ZBTB7C: variants seen among roughly 807,000 people sequenced by gnomAD.
The protein encoded by ZBTB7C is zinc finger and BTB domain-containing protein 7C.
A neutral mutation model predicts 25.7 loss-of-function variants in ZBTB7C; 8 were observed. The observed-to-expected ratio is 0.31, with a 90% confidence interval of 0.18 to 0.56. The LOEUF (loss-of-function observed/expected upper bound fraction) is 0.56, where lower values mean the gene tolerates loss of function less well. Ranked by LOEUF, ZBTB7C falls within the 20% of genes least tolerant of loss-of-function variation. The pLI is 0.91. For synonymous variants in ZBTB7C, 394 were observed against 369.0 expected (o/e 1.07, Z -0.78); for missense variants, 824 against 855.2 (o/e 0.96, Z 0.46).
upstream of ZBTB7C, among the ~76,000 whole-genome samples, chr18:48,410,911 G>T (rs2048378830): frequency 6.6e-6 from 1 of 152,232 alleles, no homozygotes; most frequent in South Asian, 2.1e-4. Flanking sequence ...GCCCATTCTG[G>T]CTACGGATTA....
chr18:48,265,384 T>C (rs942862324), intron 2 of ZBTB7C, among the ~76,000 whole-genome samples: 2 of 152,228 alleles, frequency 1.3e-5, no homozygotes, highest in Non-Finnish European at 1.5e-5. Flanking sequence ...ATAGTCAATA[T>C]GTTCAGCAAT....
intron 2 of ZBTB7C, among the ~76,000 whole-genome samples, chr18:48,212,387 T>C (rs975539142): frequency 1.3e-5 from 2 of 152,042 alleles, no homozygotes; most frequent in African/African-American, 4.8e-5. Flanking sequence ...CTGCTCTGTA[T>C]GTTACTGTTA....
At chr18:48,402,045 T>C (rs2048170107) in intron 1 of ZBTB7C, among the ~76,000 whole-genome samples, 1 of 152,090 alleles carries the variant, frequency 6.6e-6, no homozygotes, top group Admixed American at 6.6e-5. Context: ...TCATCTCCCA[T>C]AGGAAGAATT....
chr18:48,349,931 T>C (rs55696495), intron 1 of ZBTB7C, among the ~76,000 whole-genome samples: 58,550 of 151,618 alleles, frequency 0.39, 12,168 homozygotes, highest in African/African-American at 0.55. Flanking sequence ...GTAATGGGAA[T>C]GCCACCTGCC....
upstream of ZBTB7C, among the ~76,000 whole-genome samples, chr18:48,409,978 G>A (rs1343403240): frequency 8.4e-6 from 1 of 118,558 alleles, no homozygotes; most frequent in Non-Finnish European, 1.6e-5. Flanking sequence ...CCGACCCGGG[G>A]CAGCGGTGCG....
intron 3 of ZBTB7C, among the ~76,000 whole-genome samples, chr18:48,086,947 A>G (rs1568207147): frequency 1.3e-5 from 2 of 152,228 alleles, no homozygotes; most frequent in East Asian, 3.8e-4. Context: ...ACTTCCTACA[A>G]GGCGCTGTGC....
At chr18:48,085,655 G>A (rs767835804) in intron 3 of ZBTB7C, among the ~76,000 whole-genome samples, 14 of 152,198 alleles carry the variant, frequency 9.2e-5, no homozygotes, top group Non-Finnish European at 2.1e-4. Flanking sequence ...TTCCTGGCTG[G>A]CAGGAAGTAC....
At chr18:48,228,468 G>A (rs2043162126) in intron 2 of ZBTB7C, among the ~76,000 whole-genome samples, 1 of 152,056 alleles carries the variant, frequency 6.6e-6, no homozygotes, top group South Asian at 2.1e-4. Context: ...GCGGATGGGT[G>A]GGGCACATCC....
At chr18:48,343,692 G>T (rs1240559156) in intron 1 of ZBTB7C, among the ~76,000 whole-genome samples, 1 of 152,106 alleles carries the variant, frequency 6.6e-6, no homozygotes, top group Non-Finnish European at 1.5e-5. Context: ...TGGATGTGCT[G>T]CCCACGCCCA....
intron 2 of ZBTB7C, among the ~76,000 whole-genome samples, chr18:48,332,564 C>T (rs1195520478): frequency 6.6e-6 from 1 of 151,324 alleles, no homozygotes; most frequent in African/African-American, 2.4e-5. Context: ...CCAGGATTTG[C>T]TAATTTTCTA....
At chr18:48,381,870 T>C (rs2047640695) in intron 1 of ZBTB7C, among the ~76,000 whole-genome samples, 1 of 152,182 alleles carries the variant, frequency 6.6e-6, no homozygotes, top group African/African-American at 2.4e-5. Flanking sequence ...GATCACACAA[T>C]GGCTTTTAAG....
rs1313098287 is a variant in ZBTB7C, at chr18:48,221,437, T to C, written c.-78-35442A>G. ...CTCTATACTGTCCTTGTCTCCTCTA[T>C]ACTGTCCTAGCTTCCTCTACACTGT... On this transcript the variant is annotated intron_variant, in intron 2 of 4. Transcript: ENST00000590800. Among the ~76,000 whole-genome samples the C allele has an allele frequency of 3.7e-5, 5 of 133,664 alleles. No homozygotes were observed. In the East Asian group the frequency reaches 6.5e-4, roughly 17 times the overall value. The allele number at this position is 133,664 out of a possible 152,430, so 87.7% of individuals were successfully genotyped here. A position where few individuals can be genotyped will look rare whatever the true frequency, so the allele number is the denominator to read the frequency against.
At chr18:48,156,053 C>A (rs1029393415) in intron 3 of ZBTB7C, among the ~76,000 whole-genome samples, 5 of 152,192 alleles carry the variant, frequency 3.3e-5, no homozygotes, top group African/African-American at 1.2e-4. Context: ...AAATGACTAA[C>A]AACATCCTGT....
intron 2 of ZBTB7C, among the ~76,000 whole-genome samples, chr18:48,246,141 T>C (rs1198949350): frequency 6.6e-6 from 1 of 152,160 alleles, no homozygotes; most frequent in African/African-American, 2.4e-5. Context: ...TCATCTTCCA[T>C]AGCAGGAAGT....
intron 1 of ZBTB7C, among the ~76,000 whole-genome samples, chr18:48,344,352 C>A (rs1350603567): frequency 6.6e-6 from 1 of 152,196 alleles, no homozygotes; most frequent in Non-Finnish European, 1.5e-5. Context: ...GATCTTGTCA[C>A]AATGCAGGTG....
chr18:48,188,414 C>T (rs895689321), intron 2 of ZBTB7C, among the ~76,000 whole-genome samples: 4 of 152,186 alleles, frequency 2.6e-5, no homozygotes, highest in African/African-American at 9.7e-5. Context: ...AAACCATTGG[C>T]TCTCGTGAGA....
intron 3 of ZBTB7C, among the ~76,000 whole-genome samples, chr18:48,095,928 G>A (rs971472141): frequency 6.6e-6 from 1 of 152,044 alleles, no homozygotes; most frequent in Non-Finnish European, 1.5e-5. Flanking sequence ...ACCCAGTAAC[G>A]TATGGGAAGC....
chr18:48,389,195 T>TCTCC (rs2047822563), intron 1 of ZBTB7C, among the ~76,000 whole-genome samples: 2 of 66,030 alleles, frequency 3.0e-5, no homozygotes, highest in African/African-American at 1.1e-4. Context: ...TTTAACTCTC[T>TCTCC]CTCTCTCTCT....
chr18:48,116,259 G>A lies in ZBTB7C; in HGVS notation c.-17+69675C>T, dbSNP rs574814479. Reference sequence around the variant, plus strand: ...GTGCATGTCCCAGGCTGCCTCTCCCGCTGGTCTGCAAGCTTCTTGGGGTGG... The same window carrying A: ...GTGCATGTCCCAGGCTGCCTCTCCCACTGGTCTGCAAGCTTCTTGGGGTGG... On this transcript the variant is annotated intron_variant, in intron 3 of 4. Coordinates refer to ENST00000590800, the MANE Select transcript of ZBTB7C (RefSeq NM_001318841.2). Among the ~76,000 whole-genome samples the A allele has an allele frequency of 3.5e-4, 54 of 152,176 alleles. No individual in the cohort carries two copies. The South Asian group carries it at 8.3e-3, about 23-fold the overall frequency.
Sources: gnomAD v4.1 joint callset for allele counts (sites outside exome capture counted in the v4.1 genomes callset) on GRCh38, gnomAD v4.1.1 for gene constraint, MANE v1.5 for transcripts, NCBI Gene and HGNC (gene_info 2026-07-23, HGNC 2026-07-21) for gene names.